Variants in NTNG1 observed in about 807,000 individuals in gnomAD.
NTNG1 encodes netrin G1, also known as netrin-G1.
A neutral mutation model predicts 54.0 loss-of-function variants in NTNG1; 16 were observed. That is an observed-to-expected ratio of 0.30 (90% CI 0.20 to 0.45). The LOEUF (loss-of-function observed/expected upper bound fraction) is 0.45, where lower values mean the gene tolerates loss of function less well. Ranked by LOEUF, NTNG1 falls within the 20% of genes least tolerant of loss-of-function variation. The probability of loss-of-function intolerance (pLI) is 1.00; values close to 1 mark genes in which losing one functional copy is unlikely to be tolerated. For missense variants in NTNG1, 530 were observed against 678.7 expected, an observed-to-expected ratio of 0.78 and a Z score of 2.43; for synonymous variants, 255 against 263.1, an observed-to-expected ratio of 0.97 and a Z score of 0.30.
At chr1:107,170,127 AGTAACTGGTGACT>A in intron 2 of NTNG1, among the ~76,000 whole-genome samples, 1 of 152,322 alleles carries the variant, frequency 6.6e-6, no homozygotes, top group South Asian at 2.1e-4. Flanking sequence ...TGTTTGGCAG[AGTAACTGGTGACT>A]GTAGCCTAGA....
At chr1:107,244,457 C>T (rs1662054532) in intron 2 of NTNG1, among the ~76,000 whole-genome samples, 1 of 152,132 alleles carries the variant, frequency 6.6e-6, no homozygotes. Context: ...TCCATACAAA[C>T]CGATGCTGCT....
chr1:107,456,816 T>C (rs181602456), intron 7 of NTNG1, among the ~76,000 whole-genome samples: 1 of 152,346 alleles, frequency 6.6e-6, no homozygotes, highest in East Asian at 1.9e-4. Flanking sequence ...ATGACATTTG[T>C]GCTTAGAAGG....
At chr1:107,249,537 A>G (rs938346551) in intron 2 of NTNG1, among the ~76,000 whole-genome samples, 1 of 151,764 alleles carries the variant, frequency 6.6e-6, no homozygotes, top group African/African-American at 2.4e-5. Flanking sequence ...TTTGGACATT[A>G]TGTCTAAGAC....
intron 5 of NTNG1, among the ~76,000 whole-genome samples, chr1:107,412,990 G>T (rs1486422047): frequency 6.6e-6 from 1 of 152,076 alleles, no homozygotes; most frequent in African/African-American, 2.4e-5. Context: ...ACTAAACTCT[G>T]TTTTCCCCAT....
chr1:107,304,027 A>AG (rs1666502041), intron 2 of NTNG1, among the ~76,000 whole-genome samples: 1 of 151,966 alleles, frequency 6.6e-6, no homozygotes, highest in South Asian at 2.1e-4. Context: ...AGAAAAAAAA[A>AG]AAAATAGTAA....
intron 2 of NTNG1, among the ~76,000 whole-genome samples, chr1:107,304,151 A>G (rs1355133540): frequency 6.6e-6 from 1 of 151,616 alleles, no homozygotes; most frequent in African/African-American, 2.4e-5. Context: ...CTTACTCCTT[A>G]TCTTCTTTAG....
At chr1:107,388,501 A>C (rs1672158013) in intron 3 of NTNG1, among the ~76,000 whole-genome samples, 1 of 152,222 alleles carries the variant, frequency 6.6e-6, no homozygotes, top group Non-Finnish European at 1.5e-5. Context: ...ATTCAAATGC[A>C]TGATCATCTG....
intron 2 of NTNG1, among the ~76,000 whole-genome samples, chr1:107,158,847 T>C (rs1655196570): frequency 6.6e-6 from 1 of 152,176 alleles, no homozygotes; most frequent in African/African-American, 2.4e-5. Flanking sequence ...AAAAGAATTC[T>C]ATATTTCAAA....
In NTNG1 at chr1:107,149,764, G is replaced by GT. The variant is rs932479875; in HGVS notation, c.246+935dup. On this transcript the variant is annotated intron_variant, in intron 2 of 7. Coordinates refer to ENST00000370068, the MANE Select transcript of NTNG1 (RefSeq NM_001113226.3). ...AGAGTTCAGATGGTGAGTTCATTTG[G>GT]TTTTTTTTTTAATTATAGGTGGTTT... Among the ~76,000 whole-genome samples the GT allele has an allele frequency of 8.7e-3, 1,297 of 148,844 alleles. 21 individuals carry two copies. The highest frequency in any genetic ancestry group is 0.029 in the African/African-American group (1,197 of 40,684).
intron 7 of NTNG1, among the ~76,000 whole-genome samples, chr1:107,474,183 T>C (rs960117274): frequency 6.6e-6 from 1 of 152,194 alleles, no homozygotes; most frequent in Non-Finnish European, 1.5e-5. Context: ...GATTTTAAAA[T>C]GAACCTTTCT....
rs56067522 is a variant in NTNG1, at chr1:107,441,731, A to G, written c.1390+4932A>G. ...GTAGACATCTTTGAGAACACATTAT[A>G]TTGTGCTTATCATAATAATAATAAA... On this transcript the variant is annotated intron_variant, in intron 7 of 7. Transcript: ENST00000370068. 9.5e-3 allele frequency among the ~76,000 whole-genome samples: 1,448 copies of G among 152,206 alleles called. 18 individuals are homozygous for G. The highest frequency in any genetic ancestry group is 0.02 in the African/African-American group (849 of 41,544).
chr1:107,398,240 T>C (rs768876920), intron 4 of NTNG1, among the ~76,000 whole-genome samples: 2 of 152,142 alleles, frequency 1.3e-5, no homozygotes, highest in Non-Finnish European at 2.9e-5. Context: ...TATACATATG[T>C]AACTAACCTG....
chr1:107,431,004 C>A, intron 6 of NTNG1, 87 bp downstream of exon 6: 3 of 1,230,938 alleles, frequency 2.4e-6, no homozygotes, highest in East Asian at 2.4e-5. Context: ...CGATTTGCAC[C>A]GCGGTTGAGC....
At chr1:107,140,606 T>C (rs1393995934), upstream of NTNG1, among the ~76,000 whole-genome samples, 1 of 151,984 alleles carries the variant, frequency 6.6e-6, no homozygotes, top group Non-Finnish European at 1.5e-5. Context: ...GAGGATCTTC[T>C]TGGCGCCAAT....
chr1:107,319,511 C>T (rs541172058), intron 2 of NTNG1, among the ~76,000 whole-genome samples: 68 of 152,088 alleles, frequency 4.5e-4, no homozygotes, highest in Non-Finnish European at 4.4e-4. Context: ...CTATCTCAGT[C>T]ACAGCAGGAA....
chr1:107,354,798 C>T (rs574923449), intron 3 of NTNG1, among the ~76,000 whole-genome samples: 2 of 152,282 alleles, frequency 1.3e-5, no homozygotes, highest in South Asian at 4.1e-4. Context: ...TGGACACTCT[C>T]AGAGAGCCCT....
At chr1:107,308,228 G>T (rs1482118379) in intron 2 of NTNG1, among the ~76,000 whole-genome samples, 1 of 152,098 alleles carries the variant, frequency 6.6e-6, no homozygotes, top group Non-Finnish European at 1.5e-5. Context: ...ATCTTTGCCT[G>T]TTCCTATGTC....
At chr1:107,168,406 C>A (rs1429191616) in intron 2 of NTNG1, among the ~76,000 whole-genome samples, 1 of 151,914 alleles carries the variant, frequency 6.6e-6, no homozygotes, top group Non-Finnish European at 1.5e-5. Context: ...ATATATAAAT[C>A]TTATTTGTTT....
intron 2 of NTNG1, among the ~76,000 whole-genome samples, chr1:107,280,747 G>A (rs1272659366): frequency 1.5e-3 from 226 of 152,006 alleles, no homozygotes; most frequent in African/African-American, 5.3e-3. Context: ...CAGGCTGCAA[G>A]CCTCAGGACC....
Sources: allele counts gnomAD v4.1 joint callset (sites outside exome capture counted in the v4.1 genomes callset), GRCh38; gene constraint gnomAD v4.1.1; transcripts MANE v1.5; gene names NCBI Gene and HGNC (gene_info 2026-07-23, HGNC 2026-07-21).